Variants in SEMA6A observed in about 807,000 individuals in gnomAD.
The protein encoded by SEMA6A is semaphorin-6A.
In SEMA6A, 25 loss-of-function variants were observed where a neutral mutation model predicts 96.8. The observed-to-expected ratio is 0.26, with a 90% CI of 0.19 to 0.36. SEMA6A has a LOEUF of 0.36. SEMA6A is among the 10% of genes least tolerant of loss of function. The probability of loss-of-function intolerance (pLI) is 1.00; values close to 1 mark genes in which losing one functional copy is unlikely to be tolerated. For missense variants in SEMA6A, 1,363 were observed against 1,323.1 expected, an observed-to-expected ratio of 1.03 and a Z score of -0.47; for synonymous variants, 612 against 518.0, an observed-to-expected ratio of 1.18 and a Z score of -2.46.
intron 18 of SEMA6A, among the ~76,000 whole-genome samples, chr5:116,448,765 A>AAAC (rs1414987178): frequency 4.0e-5 from 6 of 151,554 alleles, no homozygotes; most frequent in Non-Finnish European, 8.9e-5. Context: ...CAAAAAAAAA[A>AAAC]AAAAAAAAAA....
chr5:116,571,689 G>C (rs1761221623), intron 1 of SEMA6A, among the ~76,000 whole-genome samples: 1 of 152,158 alleles, frequency 6.6e-6, no homozygotes, highest in Non-Finnish European at 1.5e-5. Flanking sequence ...AGATAGTTTA[G>C]GTTAATAGGT....
At chr5:116,506,072 C>G (rs1408116462) in intron 1 of SEMA6A, among the ~76,000 whole-genome samples, 1 of 152,194 alleles carries the variant, frequency 6.6e-6, no homozygotes, top group Non-Finnish European at 1.5e-5. Context: ...ATCCATCAAT[C>G]ATTTAAGATT....
Position 116,448,549 on chromosome 5 carries a change from T to G in SEMA6A, c.1895-738A>C, listed in dbSNP as rs185390987. Among the ~76,000 whole-genome samples the G allele has an allele frequency of 3.1e-4, 47 of 152,224 alleles. No homozygotes were observed. The East Asian group carries it at 8.3e-3, about 27-fold the overall frequency. ...GAAGAGGCAACAATTTTATGCATGT[T>G]AGACAAACAAATCACACACTCTGGG... On this transcript the variant is annotated intron_variant, in intron 18 of 18. Coordinates refer to ENST00000343348, the MANE Select transcript of SEMA6A (RefSeq NM_020796.5).
At chr5:116,564,433 A>C (rs569114893) in intron 1 of SEMA6A, among the ~76,000 whole-genome samples, 10 of 152,246 alleles carry the variant, frequency 6.6e-5, no homozygotes, top group Non-Finnish European at 1.0e-4. Flanking sequence ...AAAGGAATTA[A>C]ATTGCTTGGC....
At position 116,545,558 on chromosome 5, in the gene SEMA6A, G is replaced by A. The variant is rs539459498; in HGVS notation, c.-39+28627C>T. On this transcript the variant is annotated intron_variant, in intron 1 of 18. Transcript: ENST00000343348. ...GCACTCCAGCCTGGGGGACAAGAGCGAAACTTCATCTTAAAAAAAAAATTG... is the reference window on the plus strand; with the variant it reads ...GCACTCCAGCCTGGGGGACAAGAGCAAAACTTCATCTTAAAAAAAAAATTG... Among the ~76,000 whole-genome samples, 10 of 151,656 alleles carry A rather than the reference G, an allele frequency of 6.6e-5. No individual in the cohort carries two copies. The South Asian group carries it at 8.4e-4, about 13-fold the overall frequency.
At chr5:116,472,101 A>T (rs977842882) in intron 17 of SEMA6A, among the ~76,000 whole-genome samples, 1 of 152,182 alleles carries the variant, frequency 6.6e-6, no homozygotes, top group African/African-American at 2.4e-5. Flanking sequence ...GATGTTTTTC[A>T]TATCATACTT....
intron 12 of SEMA6A, among the ~76,000 whole-genome samples, chr5:116,479,442 G>A (rs1458964130): frequency 6.6e-6 from 1 of 152,214 alleles, no homozygotes; most frequent in African/African-American, 2.4e-5. Flanking sequence ...GTGTGCCAGA[G>A]CTATTACAGT....
At chr5:116,478,751 T>C (rs985601766) in intron 12 of SEMA6A, 33 bp from the exon 13 acceptor site, 5 of 1,601,232 alleles carry the variant, frequency 3.1e-6, no homozygotes, top group Middle Eastern at 1.7e-4. Flanking sequence ...CTTATCTCTT[T>C]GTTGGTCTAT....
At chr5:116,502,728 T>C (rs1757946812) in intron 2 of SEMA6A, 1 of 174,164 alleles carries the variant, frequency 5.7e-6, no homozygotes, top group African/African-American at 2.4e-5. Context: ...CAAAACTATT[T>C]CAAAGCAGCC....
intron 1 of SEMA6A, among the ~76,000 whole-genome samples, chr5:116,526,921 C>T (rs1400794504): frequency 1.3e-5 from 2 of 152,156 alleles, no homozygotes; most frequent in African/African-American, 4.8e-5. Flanking sequence ...AGTTACATTG[C>T]TGAGGGCACA....
At chr5:116,557,210 C>T (rs1760640991) in intron 1 of SEMA6A, among the ~76,000 whole-genome samples, 1 of 152,146 alleles carries the variant, frequency 6.6e-6, no homozygotes, top group East Asian at 1.9e-4. Flanking sequence ...CACATCCCAC[C>T]CAATGGTGGT....
rs774018955 is a variant in SEMA6A, at chr5:116,486,818, G to C, written c.893C>G (p.Ala298Gly). 6.2e-7 allele frequency: 1 copy of C among 1,613,688 alleles called. No homozygotes were observed. Among genetic ancestry groups the C allele is most frequent in the Non-Finnish European group, 8.5e-7 (1 of 1,179,788 alleles). The part of the protein sequence containing the change: ...DSHFYFNILQ[A>G]VTDVIRINGR... ...GTTGATACGAATCACATCTGTAACT[G>C]CCTGGAGAATGTTGAAATAAAAATG... Residue 298 changes from alanine (A) to glycine (G), a missense_variant, in exon 10 of 19, where the codon GCA becomes GGA. This residue lies in a region of SEMA6A where 480 missense variants were observed against 559.5 expected (regional missense o/e 0.86). Coordinates refer to ENST00000343348, the MANE Select transcript of SEMA6A (RefSeq NM_020796.5).
intron 6 of SEMA6A, among the ~76,000 whole-genome samples, chr5:116,494,443 C>G (rs1182543733): frequency 6.6e-6 from 1 of 152,146 alleles, no homozygotes; most frequent in African/African-American, 2.4e-5. Context: ...CCTTGTAGAG[C>G]CTGTGTTTCT....
chr5:116,505,171 C>T (rs1168410306), intron 1 of SEMA6A, among the ~76,000 whole-genome samples, 189 bp from the exon 2 acceptor site: 1 of 152,174 alleles, frequency 6.6e-6, no homozygotes, highest in Non-Finnish European at 1.5e-5. Context: ...CCCCACGCAT[C>T]TGAGCCCTTT....
chr5:116,538,089 C>G (rs1323319167), intron 1 of SEMA6A, among the ~76,000 whole-genome samples: 3 of 152,152 alleles, frequency 2.0e-5, no homozygotes, highest in Non-Finnish European at 4.4e-5. Context: ...GCAGGGGAAT[C>G]GCTTGAACCC....
chr5:116,572,196 T>C (rs1321522839), intron 1 of SEMA6A, among the ~76,000 whole-genome samples: 1 of 152,108 alleles, frequency 6.6e-6, no homozygotes, highest in African/African-American at 2.4e-5. Flanking sequence ...AGATCTGAGG[T>C]AAAGAAAGTT....
At chr5:116,488,808 G>C in intron 8 of SEMA6A, 80 bp downstream of exon 8, 1 of 1,426,400 alleles carries the variant, frequency 7.0e-7, no homozygotes, top group Non-Finnish European at 9.3e-7. Flanking sequence ...GATACAGTCT[G>C]GTCCCTCCAG....
At chr5:116,532,545 TC>T (rs558644149) in intron 1 of SEMA6A, among the ~76,000 whole-genome samples, 4 of 151,862 alleles carry the variant, frequency 2.6e-5, no homozygotes, top group South Asian at 2.1e-4. Flanking sequence ...TTCTGATCCC[TC>T]CCCCCCAGTC....
At chr5:116,564,394 G>A (rs1040404705) in intron 1 of SEMA6A, among the ~76,000 whole-genome samples, 1 of 152,180 alleles carries the variant, frequency 6.6e-6, no homozygotes, top group African/African-American at 2.4e-5. Context: ...TTTGCTTCCA[G>A]TGTGAGATTA....
Sources: allele counts gnomAD v4.1 joint callset (sites outside exome capture counted in the v4.1 genomes callset), GRCh38; gene constraint gnomAD v4.1.1; regional missense constraint gnomAD v4.1.1; transcripts MANE v1.5; gene names NCBI Gene and HGNC (gene_info 2026-07-23, HGNC 2026-07-21).